DOK6: variants seen among roughly 807,000 people sequenced by gnomAD.
DOK6 encodes docking protein 6.
Under a neutral mutation model 44.0 loss-of-function variants are expected in DOK6, and 22 were observed. The ratio of observed to expected loss-of-function variants is 0.50; its 90% confidence interval spans 0.36 to 0.71. DOK6 has a LOEUF of 0.71. Ranked by LOEUF, DOK6 falls within the 30% of genes least tolerant of loss-of-function variation. The pLI is 0.00. For missense variants in DOK6, 340 were observed against 416.4 expected, an observed-to-expected ratio of 0.82 and a Z score of 1.60; for synonymous variants, 166 against 145.5, an observed-to-expected ratio of 1.14 and a Z score of -1.01.
chr18:69,745,827 G>A (rs1978966483), intron 6 of DOK6, among the ~76,000 whole-genome samples: 1 of 152,204 alleles, frequency 6.6e-6, no homozygotes, highest in African/African-American at 2.4e-5. Flanking sequence ...TCATAAGATG[G>A]CTAGCAAGAA....
At chr18:69,664,053 G>C (rs1163965119) in intron 3 of DOK6, among the ~76,000 whole-genome samples, 1 of 152,120 alleles carries the variant, frequency 6.6e-6, no homozygotes, top group Admixed American at 6.5e-5. Flanking sequence ...GTGATGTTTG[G>C]ATTGGGGTAC....
At chr18:69,702,755 C>T (rs778788973) in intron 5 of DOK6, among the ~76,000 whole-genome samples, 2 of 152,138 alleles carry the variant, frequency 1.3e-5, no homozygotes, top group African/African-American at 4.8e-5. Context: ...CAAACCAGAA[C>T]TTCACAGCTC....
intron 6 of DOK6, among the ~76,000 whole-genome samples, chr18:69,745,491 G>A (rs372442164): frequency 1.3e-5 from 2 of 152,114 alleles, no homozygotes; most frequent in African/African-American, 4.8e-5. Context: ...TTAAATGTAG[G>A]CCACGAAAAT....
intron 3 of DOK6, among the ~76,000 whole-genome samples, chr18:69,642,441 C>A (rs911100497): frequency 2.0e-5 from 3 of 152,058 alleles, no homozygotes; most frequent in African/African-American, 7.2e-5. Context: ...GAGGCTGAGG[C>A]CAGAAGTTCA....
At chr18:69,677,893 T>C (rs769448505) in intron 4 of DOK6, 40 bp downstream of exon 4, 1 of 1,592,528 alleles carries the variant, frequency 6.3e-7, no homozygotes, top group African/African-American at 1.3e-5. Context: ...AGAATACCCT[T>C]GTAATTGTAG....
At position 69,547,498 on chromosome 18, in the gene DOK6, C is replaced by T. The variant is rs189778256; in HGVS notation, c.67-16989C>T. 5.6e-4 allele frequency among the ~76,000 whole-genome samples: 85 copies of T among 151,508 alleles called. 4 individuals carry two copies. The highest frequency in any genetic ancestry group is 7.1e-4 in the Non-Finnish European group (48 of 67,682). On this transcript the variant is annotated intron_variant, in intron 1 of 7. Transcript: ENST00000382713. ...ACTAAACCATTCATGACAAATCCAC[C>T]CCCATGATCCAATCACCTCCCAGCA...
At chr18:69,821,799 T>TTTA (rs10641812) in intron 7 of DOK6, among the ~76,000 whole-genome samples, 1,894 of 149,334 alleles carry the variant, frequency 0.013, 36 homozygotes, top group African/African-American at 0.041. Flanking sequence ...TTTTTTTTTT[T>TTTA]AAAAAAAATC....
At chr18:69,413,025 A>G (rs1331125732) in intron 1 of DOK6, among the ~76,000 whole-genome samples, 1 of 152,160 alleles carries the variant, frequency 6.6e-6, no homozygotes, top group Non-Finnish European at 1.5e-5. Flanking sequence ...TCTCAAGTGA[A>G]TACACACATT....
intron 1 of DOK6, among the ~76,000 whole-genome samples, chr18:69,412,064 A>G (rs1978308657): frequency 6.6e-6 from 1 of 152,188 alleles, no homozygotes; most frequent in African/African-American, 2.4e-5. Flanking sequence ...CAAATAAAGT[A>G]TCAGTTTTAT....
chr18:69,820,287 A>C (rs1981530105), intron 7 of DOK6, among the ~76,000 whole-genome samples: 2 of 152,224 alleles, frequency 1.3e-5, no homozygotes, highest in African/African-American at 4.8e-5. Context: ...AACAAAAATT[A>C]TTATGCTTGC....
chr18:69,553,006 C>CT (rs1277691591), intron 1 of DOK6, among the ~76,000 whole-genome samples: 1 of 152,106 alleles, frequency 6.6e-6, no homozygotes, highest in Non-Finnish European at 1.5e-5. Context: ...CTTTAATTGG[C>CT]TTTTTGGTAT....
intron 1 of DOK6, among the ~76,000 whole-genome samples, chr18:69,485,841 T>G (rs973902394): frequency 2.0e-5 from 3 of 151,142 alleles, no homozygotes; most frequent in Non-Finnish European, 4.4e-5. Context: ...GGCTCATATA[T>G]GTATGTGTGT....
chr18:69,517,819 A>G (rs749435421), intron 1 of DOK6, among the ~76,000 whole-genome samples: 3 of 151,838 alleles, frequency 2.0e-5, no homozygotes, highest in Non-Finnish European at 2.9e-5. Context: ...TCAGTCATGG[A>G]ATAGCATTTA....
At chr18:69,440,228 A>G (rs957108806) in intron 1 of DOK6, among the ~76,000 whole-genome samples, 3 of 152,190 alleles carry the variant, frequency 2.0e-5, no homozygotes, top group Admixed American at 6.6e-5. Context: ...TATGGTGCCA[A>G]AAACAATTAT....
chr18:69,426,892 T>C (rs1978653612), intron 1 of DOK6, among the ~76,000 whole-genome samples: 1 of 152,178 alleles, frequency 6.6e-6, no homozygotes. Flanking sequence ...GTTTGTAACA[T>C]AGGTGAACTT....
chr18:69,670,107 T>G (rs968579204), intron 3 of DOK6, among the ~76,000 whole-genome samples: 5 of 152,188 alleles, frequency 3.3e-5, no homozygotes, highest in African/African-American at 9.7e-5. Context: ...TTTATTGTTA[T>G]CAATTTGATT....
chr18:69,526,266 A>C (rs1472615031), intron 1 of DOK6, among the ~76,000 whole-genome samples: 1 of 152,064 alleles, frequency 6.6e-6, no homozygotes, highest in Non-Finnish European at 1.5e-5. Flanking sequence ...ACCCTAGGCA[A>C]CCACTGGTTA....
In DOK6 at chr18:69,847,402, T is replaced by A. The variant is rs1291251764; in HGVS notation, c.*6019T>A. On this transcript the variant is annotated 3_prime_UTR_variant, in exon 8 of 8. Coordinates refer to ENST00000382713, the MANE Select transcript of DOK6 (RefSeq NM_152721.6). ...CTGTGCTAATGTTAGGATTGAATTG[T>A]TCTATTAATTCCCTCAAGAGACCCA... 1 of 152,220 alleles carries A rather than the reference T, an allele frequency of 6.6e-6. No homozygotes were observed. The highest frequency in any genetic ancestry group is 1.5e-5 in the Non-Finnish European group (1 of 68,044). The allele number at this position is 152,220 out of a possible 1,614,324, so 9.4% of individuals were successfully genotyped here. A position where few individuals can be genotyped will look rare whatever the true frequency, so the allele number is the denominator to read the frequency against.
At chr18:69,766,500 TATAA>T (rs763879953) in intron 7 of DOK6, among the ~76,000 whole-genome samples, 44 of 152,298 alleles carry the variant, frequency 2.9e-4, no homozygotes, top group Admixed American at 5.2e-4. Context: ...TTTCCAATAA[TATAA>T]ATAATCAATT....
Sources: gnomAD v4.1 joint callset for allele counts (sites outside exome capture counted in the v4.1 genomes callset) on GRCh38, gnomAD v4.1.1 for gene constraint, MANE v1.5 for transcripts, NCBI Gene and HGNC (gene_info 2026-07-23, HGNC 2026-07-21) for gene names.